Variants in FNBP1 observed in about 807,000 individuals in gnomAD.
The protein encoded by FNBP1 is formin-binding protein 1.
A neutral mutation model predicts 90.6 loss-of-function variants in FNBP1; 26 were observed. That is an observed-to-expected ratio of 0.29 (90% CI 0.21 to 0.40). The LOEUF (loss-of-function observed/expected upper bound fraction) is 0.40, where lower values mean the gene tolerates loss of function less well. Ranked by LOEUF, FNBP1 falls within the 10% of genes least tolerant of loss-of-function variation. The pLI is 1.00. For synonymous variants in FNBP1, 260 were observed against 265.2 expected, an observed-to-expected ratio of 0.98 and a Z score of 0.19; for missense variants, 635 against 768.0, an observed-to-expected ratio of 0.83 and a Z score of 2.05.
chr9:129,897,563 A>G (rs1189539217), intron 15 of FNBP1, among the ~76,000 whole-genome samples: 3 of 152,316 alleles, frequency 2.0e-5, no homozygotes, highest in East Asian at 1.9e-4. Flanking sequence ...TTTATTCATT[A>G]TATTAAAATG....
chr9:129,893,089 C>G (rs552159292), intron 16 of FNBP1, among the ~76,000 whole-genome samples: 1 of 152,212 alleles, frequency 6.6e-6, no homozygotes, highest in South Asian at 2.1e-4. Flanking sequence ...TCCAGGAGTT[C>G]ACAGACTGGA....
At chr9:129,922,060 TAAA>T (rs76654387) in intron 10 of FNBP1, among the ~76,000 whole-genome samples, 1 of 145,038 alleles carries the variant, frequency 6.9e-6, no homozygotes, top group African/African-American at 2.5e-5. Flanking sequence ...GGGTAGGATT[TAAA>T]AAAAAAAAAA....
At chr9:129,893,612 CAAAAAA>C (rs1216398298) in intron 16 of FNBP1, among the ~76,000 whole-genome samples, 12 of 22,312 alleles carry the variant, frequency 5.4e-4, no homozygotes, top group Non-Finnish European at 7.3e-4. Context: ...GACTCTGTCT[CAAAAAA>C]AAAAAAAAAA....
chr9:130,003,923 C>CAAAA (rs545865153), intron 1 of FNBP1, among the ~76,000 whole-genome samples: 3 of 110,318 alleles, frequency 2.7e-5, no homozygotes, highest in African/African-American at 3.5e-5. Context: ...GACTCCGCCT[C>CAAAA]AAAAAAAAAA....
chr9:130,042,576 G>A lies in FNBP1; in HGVS notation c.24+376C>T, dbSNP rs1367245441. The stretch of plus-strand genomic sequence containing the variant: ...AGACCCAACGCAGCGCCGCGCAGCC[G>A]GGGCCTCCACGCCCCCACGCCCGGT... On this transcript the variant is annotated intron_variant, in intron 1 of 16. Transcript: ENST00000446176. This position sits in a 1 kb window ranked among gnomAD's most constrained non-coding sequence, Gnocchi z 5.5. 2.0e-5 allele frequency among the ~76,000 whole-genome samples: 3 copies of A among 151,276 alleles called. No individual in the cohort carries two copies. The highest frequency in any genetic ancestry group is 7.3e-5 in the African/African-American group (3 of 41,212).
rs1483146838 is a variant in FNBP1 at position 129,919,159 on chromosome 9, A to T, written c.1171-3179T>A. The T allele has an allele frequency of 6.2e-6, 8 of 1,289,460 alleles. No individual in the cohort carries two copies. The African/African-American group carries it at 1.1e-4, about 17-fold the overall frequency. 79.9% of individuals were successfully genotyped at this position (1,289,460 alleles called of 1,614,324 possible). On this transcript the variant is annotated intron_variant, in intron 10 of 16. Transcript: ENST00000446176. ...ACCTGGCCATCACAGGTGAACTTAC[A>T]ACATAGTCCCTAGCCTCAAAGGCAT...
chr9:129,955,595 C>A (rs1050833536), intron 6 of FNBP1, among the ~76,000 whole-genome samples: 1 of 151,622 alleles, frequency 6.6e-6, no homozygotes, highest in African/African-American at 2.4e-5. Flanking sequence ...GTGGTGGGCT[C>A]CTGTAGTCCC....
intron 4 of FNBP1, among the ~76,000 whole-genome samples, chr9:129,968,883 C>A (rs966000710): frequency 1.3e-5 from 2 of 152,158 alleles, no homozygotes; most frequent in Non-Finnish European, 2.9e-5. Flanking sequence ...ATATTTTCCA[C>A]CTGCAGGGAG....
chr9:129,990,734 G>A (rs1304678489), intron 2 of FNBP1, among the ~76,000 whole-genome samples: 2 of 152,146 alleles, frequency 1.3e-5, no homozygotes, highest in African/African-American at 2.4e-5. Flanking sequence ...AAACTAGTTA[G>A]TAGACTCATC....
chr9:130,047,132 G>A (rs1404615466), upstream of FNBP1, among the ~76,000 whole-genome samples: 4 of 151,940 alleles, frequency 2.6e-5, no homozygotes, highest in East Asian at 1.9e-4. Context: ...GCAGTGGGCC[G>A]TGATTGCACC....
At chr9:129,947,286 A>T (rs2045442739) in intron 6 of FNBP1, among the ~76,000 whole-genome samples, 1 of 151,926 alleles carries the variant, frequency 6.6e-6, no homozygotes, top group Admixed American at 6.6e-5. Context: ...ACTAAAATAC[A>T]AAAATTAGCC....
intron 3 of FNBP1, 109 bp from the exon 4 acceptor site, chr9:129,978,721 T>C: frequency 1.0e-6 from 1 of 1,001,212 alleles, no homozygotes; most frequent in Non-Finnish European, 1.5e-6. Context: ...GGCATCCACC[T>C]CCCATAGGAT....
intron 16 of FNBP1, among the ~76,000 whole-genome samples, chr9:129,891,153 TTAA>T: frequency 7.4e-6 from 1 of 135,640 alleles, no homozygotes. Context: ...AGACTCCGTC[TTAA>T]AAAAAAAAAA....
intron 4 of FNBP1, among the ~76,000 whole-genome samples, chr9:129,964,887 TAAG>T (rs1484415395): frequency 2.1e-5 from 3 of 144,638 alleles, no homozygotes; most frequent in Non-Finnish European, 4.6e-5. Context: ...GAAAAAAACA[TAAG>T]AATAAACACT....
rs112959214 is a variant in FNBP1, at chr9:129,938,925, A to G, written c.514-9230T>C. Among the ~76,000 whole-genome samples, 1,289 of 152,100 alleles carry G rather than the reference A, an allele frequency of 8.5e-3. 15 individuals carry two copies. The highest frequency in any genetic ancestry group is 0.03 in the African/African-American group (1,233 of 41,480). On this transcript the variant is annotated intron_variant, in intron 6 of 16. Transcript: ENST00000446176. ...GCCCCCCTTTCCCCCCTGGTTTCTC[A>G]CGCATGGTCATTGGCAAGAGACTTG... is the stretch of plus-strand genomic sequence containing the variant.
In FNBP1 at chr9:129,978,452, A is replaced by C. The variant is rs369773266; in HGVS notation, c.345+13T>G. ...CCATCTTTTAGGAAGAAAAAGAATA[A>C]AGTTTTGCTTACTGATTTCCTCTCC... On this transcript the variant is annotated intron_variant, in intron 4 of 16. Coordinates refer to ENST00000446176, the MANE Select transcript of FNBP1 (RefSeq NM_015033.3). 9.9e-6 allele frequency: 16 copies of C among 1,610,060 alleles called. No homozygotes were observed. Among genetic ancestry groups the C allele is most frequent in the Admixed American group, 1.7e-5 (1 of 59,650 alleles).
chr9:129,978,019 T>G (rs1024610980), intron 4 of FNBP1, among the ~76,000 whole-genome samples: 1 of 151,860 alleles, frequency 6.6e-6, no homozygotes, highest in African/African-American at 2.4e-5. Flanking sequence ...GTAACTTTTT[T>G]TCTTTTTTTT....
chr9:130,036,214 A>G (rs753941020), intron 1 of FNBP1, among the ~76,000 whole-genome samples: 4 of 152,158 alleles, frequency 2.6e-5, no homozygotes, highest in Non-Finnish European at 4.4e-5. Flanking sequence ...TTAAGTGTCA[A>G]AATAAAGCCT....
At position 129,957,146 on chromosome 9, in the gene FNBP1, T is replaced by C. The variant is rs544656264; in HGVS notation, c.513+214A>G. On this transcript the variant is annotated intron_variant, in intron 6 of 16. Coordinates refer to ENST00000446176, the MANE Select transcript of FNBP1 (RefSeq NM_015033.3). The surrounding 1 kb of genome is among the most constrained non-coding windows in gnomAD (Gnocchi z 4.3). The stretch of plus-strand genomic sequence containing the variant: ...AACGCCTCCTGGGCTCAAGCGATTC[T>C]CCTGCCTCAGCCTCCCTAGTAGTTG... Among the ~76,000 whole-genome samples, 1 of 151,722 alleles carries C rather than the reference T, an allele frequency of 6.6e-6. No homozygotes were observed. Among genetic ancestry groups the C allele is most frequent in the African/African-American group, 2.4e-5 (1 of 41,378 alleles).
Sources: gnomAD v4.1 joint callset for allele counts (sites outside exome capture counted in the v4.1 genomes callset) on GRCh38, gnomAD v4.1.1 for gene constraint, Gnocchi (gnomAD v3.1) non-coding constraint, MANE v1.5 for transcripts, NCBI Gene and HGNC (gene_info 2026-07-23, HGNC 2026-07-21) for gene names.